The following DAB1 variants were observed in gnomAD, a reference collection of about 807,000 sequenced individuals.
DAB1 encodes the protein DAB adaptor protein 1.
Under a neutral mutation model 64.6 loss-of-function variants are expected in DAB1, and 15 were observed. The observed-to-expected ratio is 0.23, with a 90% CI of 0.16 to 0.36. The LOEUF (loss-of-function observed/expected upper bound fraction) is 0.36. Ranked by LOEUF, DAB1 falls within the 10% of genes least tolerant of loss-of-function variation. The pLI is 1.00. For missense variants in DAB1, 596 were observed against 706.7 expected, an observed-to-expected ratio of 0.84 and a Z score of 1.78; for synonymous variants, 235 against 251.9, an observed-to-expected ratio of 0.93 and a Z score of 0.64.
intron 1 of DAB1, chr1:58,538,974 C>T: frequency 2.3e-6 from 2 of 872,708 alleles, no homozygotes; most frequent in South Asian, 2.6e-5. Context: ...TTATTAGCAG[C>T]TGTCTTGAAA....
At position 57,832,529 on chromosome 1, in the gene DAB1, T is replaced by A. The variant is rs142280635; in HGVS notation, n.88-6074A>T. Among the ~76,000 whole-genome samples the A allele has an allele frequency of 1.5e-3, 226 of 152,328 alleles. 5 individuals carry two copies. The South Asian group carries it at 0.037, about 25-fold the overall frequency. ...GCGGTGCTCTCCATTGCTGTGAGAT[T>A]TTTAGTCAGATACTTATTTCTTGCC... is the stretch of plus-strand genomic sequence containing the variant. On this transcript the variant is annotated intron_variant and non_coding_transcript_variant, in intron 1 of 1. Transcript: ENST00000477280.
In DAB1 at chr1:57,233,254, T is replaced by TC. The variant is rs1202141381; in HGVS notation, c.67+57709dup. 2.9e-5 allele frequency among the ~76,000 whole-genome samples: 3 copies of TC among 104,684 alleles called. 1 individual carries two copies. The East Asian group carries it at 1.1e-3, about 38-fold the overall frequency. The allele number at this position is 104,684 out of a possible 152,430, so 68.7% of individuals were successfully genotyped here. On this transcript the variant is annotated intron_variant, in intron 2 of 14. Coordinates refer to ENST00000371236, the MANE Select transcript of DAB1 (RefSeq NM_001365792.1). Reference sequence around the variant, plus strand: ...ATGCAGCTTCAAGCTTTGCTCCGATTCTTTTTTTTTTTTTTTTTTTTTTTT... The same window carrying TC: ...ATGCAGCTTCAAGCTTTGCTCCGATTCCTTTTTTTTTTTTTTTTTTTTTTTT...
intron 1 of DAB1, among the ~76,000 whole-genome samples, chr1:57,359,265 T>A (rs2100890459): frequency 6.6e-6 from 1 of 151,960 alleles, no homozygotes; most frequent in East Asian, 1.9e-4. Context: ...AAAAACTGAC[T>A]AACAAATTGT....
chr1:57,218,515 T>TAAAAAAA lies in DAB1; in HGVS notation c.67+72442_67+72448dup, dbSNP rs776398255. 2.2e-4 allele frequency among the ~76,000 whole-genome samples: 16 copies of TAAAAAAA among 71,446 alleles called. 1 individual carries two copies. The South Asian group carries it at 2.6e-3, about 12-fold the overall frequency. 46.9% of individuals were successfully genotyped at this position (71,446 alleles called of 152,430 possible). Reference sequence around the variant, plus strand: ...AGCAACATAGTGAGACCCCCATCTCTAAAAAAAAAAAAAAAAAAAAAAAAA... The same window carrying TAAAAAAA: ...AGCAACATAGTGAGACCCCCATCTCTAAAAAAAAAAAAAAAAAAAAAAAAAAAAAAAA... On this transcript the variant is annotated intron_variant, in intron 2 of 14. Transcript: ENST00000371236.
rs34669631 is a variant in DAB1, at chr1:57,626,218, G to A, written n.625+23374C>T. On this transcript the variant is annotated intron_variant and non_coding_transcript_variant, in intron 7 of 20. Transcript: ENST00000485760. ...TCAAGGAGGCTGTATTCCTATTTGG[G>A]TAGCAGTGAGGAGCTGGTGAAGGTT... Among the ~76,000 whole-genome samples, 1,389 of 152,200 alleles carry A rather than the reference G, an allele frequency of 9.1e-3. 6 individuals are homozygous for A. The highest frequency in any genetic ancestry group is 0.038 in the South Asian group (183 of 4,818).
Position 58,056,122 on chromosome 1 carries a change from A to G in DAB1, n.387+94389T>C, listed in dbSNP as rs770748742. On this transcript the variant is annotated intron_variant and non_coding_transcript_variant, in intron 5 of 20. Transcript: ENST00000485760. Reference sequence around the variant, plus strand: ...GAATAGCCTGTCTTCAGTCTTTAAGAACTCAGCTCCTTACATGGGCTTTGG... The same window carrying G: ...GAATAGCCTGTCTTCAGTCTTTAAGGACTCAGCTCCTTACATGGGCTTTGG... The G allele has an allele frequency of 4.4e-6, 5 of 1,131,208 alleles. No homozygotes were observed. The East Asian group carries it at 7.0e-5, about 16-fold the overall frequency. 70.1% of individuals were successfully genotyped at this position (1,131,208 alleles called of 1,614,324 possible). A position where few individuals can be genotyped will look rare whatever the true frequency, so the allele number is the denominator to read the frequency against.
chr1:57,864,592 G>C (rs898006658), intron 1 of DAB1: 11 of 151,688 alleles, frequency 7.3e-5, no homozygotes, highest in African/African-American at 2.7e-4. Flanking sequence ...AGTATGATTG[G>C]GGGTAAGTTA....
rs184967020 is a variant in DAB1 at position 57,434,957 on chromosome 1, T to C, written n.626-143791A>G. Among the ~76,000 whole-genome samples the C allele has an allele frequency of 1.4e-4, 22 of 152,214 alleles. 1 individual carries two copies. In the East Asian group the frequency reaches 4.1e-3, roughly 28 times the overall value. On this transcript the variant is annotated intron_variant and non_coding_transcript_variant, in intron 7 of 20. Transcript: ENST00000485760. ...AATGTGAAGGCCTACGACATTACTG[T>C]GCACTACTGTAGACTTTATAAACAT...
intron 5 of DAB1, among the ~76,000 whole-genome samples, chr1:58,049,641 T>C (rs1054277571): frequency 6.6e-6 from 1 of 152,258 alleles, no homozygotes; most frequent in Admixed American, 6.5e-5. Flanking sequence ...ATTTGACTCT[T>C]AACTATGTTA....
rs192597899 is a variant in DAB1, at chr1:57,735,955, C to T, written n.552-86290G>A. ...ATAGCCTTTTTGGTTCTTAAATAAA[C>T]ATTTCTCAGAGGGACCTTCCAAGTC... On this transcript the variant is annotated intron_variant and non_coding_transcript_variant, in intron 6 of 20. Coordinates refer to the DAB1 transcript ENST00000485760. 2.6e-3 allele frequency among the ~76,000 whole-genome samples: 392 copies of T among 152,136 alleles called. 1 individual carries two copies. The highest frequency in any genetic ancestry group is 5.0e-3 in the Non-Finnish European group (340 of 67,990).
chr1:57,705,064 A>G (rs1220716739), intron 6 of DAB1, among the ~76,000 whole-genome samples: 1 of 152,180 alleles, frequency 6.6e-6, no homozygotes, highest in African/African-American at 2.4e-5. Flanking sequence ...CAGGGTGATC[A>G]TAAACAGCAG....
At chr1:58,005,743 TTAA>T (rs1646573294) in intron 5 of DAB1, among the ~76,000 whole-genome samples, 1 of 152,068 alleles carries the variant, frequency 6.6e-6, no homozygotes, top group African/African-American at 2.4e-5. Flanking sequence ...AATTGGTTAA[TTAA>T]TAATAATAAT....
chr1:57,228,179 C>T (rs1667412390), intron 2 of DAB1, among the ~76,000 whole-genome samples: 1 of 152,198 alleles, frequency 6.6e-6, no homozygotes, highest in Admixed American at 6.5e-5. Context: ...CAACTTTGTT[C>T]TCCTTTGAAA....
intron 2 of DAB1, among the ~76,000 whole-genome samples, chr1:57,246,043 G>T (rs746830009): frequency 2.0e-5 from 3 of 152,240 alleles, no homozygotes; most frequent in Non-Finnish European, 2.9e-5. Flanking sequence ...TGGTAAATTT[G>T]CAGCCTGACT....
chr1:58,536,539 G>A (rs746117452), intron 1 of DAB1: 1 of 872,638 alleles, frequency 1.1e-6, no homozygotes, highest in Non-Finnish European at 2.0e-6. Context: ...TCCGATAAAA[G>A]TCTGAACTGT....
At chr1:57,452,158 C>CCCCT (rs1558394157) in intron 7 of DAB1, among the ~76,000 whole-genome samples, 4 of 83,878 alleles carry the variant, frequency 4.8e-5, no homozygotes, top group African/African-American at 1.7e-4. Context: ...TCTCTCTCTG[C>CCCCT]ACCCCCCCTT....
At chr1:58,415,217 G>A (rs945329346) in intron 3 of DAB1, among the ~76,000 whole-genome samples, 2 of 152,120 alleles carry the variant, frequency 1.3e-5, no homozygotes, top group African/African-American at 2.4e-5. Flanking sequence ...CTGCAAGCCA[G>A]AAGAAGAGTC....
intron 6 of DAB1, among the ~76,000 whole-genome samples, chr1:57,678,205 T>C (rs1006590429): frequency 6.6e-6 from 1 of 152,032 alleles, no homozygotes; most frequent in Admixed American, 6.5e-5. Context: ...TGGGCAACAT[T>C]TACTACCATG....
At chr1:58,357,821 C>G (rs1644125842) in intron 3 of DAB1, among the ~76,000 whole-genome samples, 1 of 152,030 alleles carries the variant, frequency 6.6e-6, no homozygotes, top group Non-Finnish European at 1.5e-5. Flanking sequence ...AATCCAACAT[C>G]TATAGTGGGA....
Sources: gnomAD v4.1 joint callset for allele counts (sites outside exome capture counted in the v4.1 genomes callset) on GRCh38, gnomAD v4.1.1 for gene constraint, MANE v1.5 for transcripts, NCBI Gene and HGNC (gene_info 2026-07-23, HGNC 2026-07-21) for gene names.